PTPN14: variants seen among roughly 807,000 people sequenced by gnomAD.
The protein encoded by PTPN14 is protein tyrosine phosphatase non-receptor type 14.
PTPN14 carries 53 observed loss-of-function variants against 126.8 expected under a neutral mutation model. The ratio of observed to expected loss-of-function variants is 0.42; its 90% CI spans 0.34 to 0.53. The LOEUF (loss-of-function observed/expected upper bound fraction) is 0.53, where lower values mean the gene tolerates loss of function less well. Among genes scored for constraint, PTPN14 ranks in the 20% least tolerant of loss-of-function variants. PTPN14 has a pLI of 0.08. For missense variants in PTPN14, 1,257 were observed against 1,552.9 expected, an observed-to-expected ratio of 0.81 and a Z score of 3.20; for synonymous variants, 630 against 599.3, an observed-to-expected ratio of 1.05 and a Z score of -0.75.
chr1:214,463,222 G>C (rs555217507), intron 2 of PTPN14, among the ~76,000 whole-genome samples: 43 of 152,298 alleles, frequency 2.8e-4, no homozygotes, highest in Admixed American at 4.6e-4. Flanking sequence ...TAAGAACTTA[G>C]ACAAGTCTCT....
chr1:214,471,034 A>C (rs1660746279), intron 1 of PTPN14, among the ~76,000 whole-genome samples: 1 of 147,704 alleles, frequency 6.8e-6, no homozygotes, highest in African/African-American at 2.5e-5. Context: ...TCAAAAAAAA[A>C]AAAAACAAAA....
intron 2 of PTPN14, among the ~76,000 whole-genome samples, chr1:214,452,561 A>G (rs1221157838): frequency 6.6e-6 from 1 of 152,138 alleles, no homozygotes; most frequent in Non-Finnish European, 1.5e-5. Context: ...CTCTCCCCAT[A>G]TCAAGCTTTG....
intron 1 of PTPN14, among the ~76,000 whole-genome samples, chr1:214,490,434 C>T (rs1661203293): frequency 6.6e-6 from 1 of 152,140 alleles, no homozygotes; most frequent in Admixed American, 6.5e-5. Flanking sequence ...TGTTTCATGT[C>T]ATATTCAACA....
chr1:214,364,534 A>G lies in PTPN14; in HGVS notation c.3413T>C (p.Ile1138Thr). Residue 1138 changes from isoleucine to threonine, a missense_variant, in exon 18 of 19, where the codon ATC (isoleucine) becomes ACC (threonine). This residue lies in a region of PTPN14 where 171 missense variants were observed against 229.8 expected (regional missense o/e 0.74). Transcript: ENST00000366956. This position sits in a 1 kb window ranked among gnomAD's most constrained non-coding sequence, Gnocchi z 4.1. ...CACTTCGTTATGTTCCAAGCAGTAG[A>G]TCATCAGCTCAGAAAGAATGAGCAC... ...TGVLILSELMIYCLEHNEKVE... is the reference protein window; with the variant it reads ...TGVLILSELMTYCLEHNEKVE... 1 of 1,614,032 alleles carries G rather than the reference A, an allele frequency of 6.2e-7. No homozygotes were observed. The highest frequency in any genetic ancestry group is 8.5e-7 in the Non-Finnish European group (1 of 1,180,014).
chr1:214,390,655 G>A (rs1235478111), intron 11 of PTPN14, among the ~76,000 whole-genome samples: 1 of 152,178 alleles, frequency 6.6e-6, no homozygotes, highest in East Asian at 1.9e-4. Flanking sequence ...CGTAACTGAA[G>A]ATGTATCTTC....
At chr1:214,390,266 CA>C in intron 11 of PTPN14, among the ~76,000 whole-genome samples, 1 of 152,328 alleles carries the variant, frequency 6.6e-6, no homozygotes, top group Non-Finnish European at 1.5e-5. Flanking sequence ...CAATTCTTAA[CA>C]TCTGTTATCC....
chr1:214,355,683 C>G lies in PTPN14; in HGVS notation c.*2239G>C, dbSNP rs537513124. ...AGATATTCCGAGTCTAACTAGAGTA[C>G]AGCCACCACAACACCTGGCCAGGTT... On this transcript the variant is annotated 3_prime_UTR_variant, in exon 19 of 19. Coordinates refer to ENST00000366956, the MANE Select transcript of PTPN14 (RefSeq NM_005401.5). 1 of 152,286 alleles carries G rather than the reference C, an allele frequency of 6.6e-6. No individual in the cohort carries two copies. The highest frequency in any genetic ancestry group is 2.1e-4 in the South Asian group (1 of 4,822). 9.4% of individuals were successfully genotyped at this position (152,286 alleles called of 1,614,324 possible). A position where few individuals can be genotyped will look rare whatever the true frequency, so the allele number is the denominator to read the frequency against.
At chr1:214,374,482 C>A (rs986950631) in intron 15 of PTPN14, among the ~76,000 whole-genome samples, 1 of 152,144 alleles carries the variant, frequency 6.6e-6, no homozygotes, top group Non-Finnish European at 1.5e-5. Flanking sequence ...TCAGTATATT[C>A]CAAGTATTGA....
intron 2 of PTPN14, among the ~76,000 whole-genome samples, chr1:214,457,992 CATCTAT>C (rs58773276): frequency 0.036 from 5,393 of 150,142 alleles, 143 homozygotes; most frequent in African/African-American, 0.068. Context: ...ATCACAGTTT[CATCTAT>C]ATCTATATCT....
intron 1 of PTPN14, among the ~76,000 whole-genome samples, chr1:214,508,592 C>T (rs1220448535): frequency 1.1e-4 from 16 of 152,122 alleles, no homozygotes; most frequent in Admixed American, 9.2e-4. Flanking sequence ...CAATGTCTTC[C>T]AAACTCCTGT....
At chr1:214,549,039 T>G (rs889900225) in intron 1 of PTPN14, among the ~76,000 whole-genome samples, 6 of 152,182 alleles carry the variant, frequency 3.9e-5, no homozygotes, top group African/African-American at 1.4e-4. Context: ...AAAACTTCTG[T>G]GAAGGGGCTG....
intron 3 of PTPN14, among the ~76,000 whole-genome samples, chr1:214,427,271 C>A (rs1395455176): frequency 1.2e-5 from 1 of 86,160 alleles, no homozygotes; most frequent in Admixed American, 1.5e-4. Flanking sequence ...AGTGAGTCTC[C>A]ATCTCAAAAA....
intron 1 of PTPN14, among the ~76,000 whole-genome samples, chr1:214,469,267 CAT>C (rs1192054264): frequency 6.6e-6 from 1 of 152,174 alleles, no homozygotes; most frequent in African/African-American, 2.4e-5. Context: ...AGCCATTGCA[CAT>C]ATGTTAAAAT....
In PTPN14 at chr1:214,383,903, C is replaced by A. The variant is rs565634580; in HGVS notation, c.1952G>T (p.Arg651Leu). Reference sequence around the variant, plus strand: ...CTTGAGCGTCATGGCCTCCATGCCCCGCACCATGCTGTTCATCACCTCCAG... The same window carrying A: ...CTTGAGCGTCATGGCCTCCATGCCCAGCACCATGCTGTTCATCACCTCCAG... ...HSLEVMNSMV[R>L]GMEAMTLKSL... The change falls in exon 13 of 19, where the codon CGG becomes CTG. Residue 651 changes from arginine to leucine, a missense_variant. By Grantham distance (102) the Arg-to-Leu change is moderately radical. This residue lies in a region of PTPN14 where 1,021 missense variants were observed against 1,183.3 expected (regional missense o/e 0.86). Transcript: ENST00000366956. This position sits in a 1 kb window ranked among gnomAD's most constrained non-coding sequence, Gnocchi z 4.4. 3 of 1,613,298 alleles carry A rather than the reference C, an allele frequency of 1.9e-6. No individual in the cohort carries two copies. The highest frequency in any genetic ancestry group is 2.5e-6 in the Non-Finnish European group (3 of 1,180,024).
At chr1:214,464,321 A>C (rs1019385920) in intron 2 of PTPN14, among the ~76,000 whole-genome samples, 1 of 151,668 alleles carries the variant, frequency 6.6e-6, no homozygotes, top group African/African-American at 2.4e-5. Context: ...CAATTGTTTT[A>C]AAGAGAGAAG....
intron 1 of PTPN14, among the ~76,000 whole-genome samples, chr1:214,514,637 C>T (rs1399509130): frequency 2.0e-5 from 3 of 152,034 alleles, no homozygotes; most frequent in Non-Finnish European, 4.4e-5. Context: ...GGCAGGCGGG[C>T]GGGGCTGACT....
At chr1:214,463,135 C>T (rs982418787) in intron 2 of PTPN14, among the ~76,000 whole-genome samples, 1 of 152,166 alleles carries the variant, frequency 6.6e-6, no homozygotes. Flanking sequence ...CACTGTCCCC[C>T]GATGCATATG....
intron 1 of PTPN14, among the ~76,000 whole-genome samples, chr1:214,548,220 A>T (rs1656020934): frequency 6.6e-6 from 1 of 152,160 alleles, no homozygotes; most frequent in South Asian, 2.1e-4. Context: ...CTAGAATTCC[A>T]ACCTAGCTAT....
chr1:214,397,359 C>T (rs1422573464), intron 8 of PTPN14, among the ~76,000 whole-genome samples: 3 of 152,244 alleles, frequency 2.0e-5, no homozygotes, highest in Middle Eastern at 3.4e-3. Flanking sequence ...AATCTATGGG[C>T]ACCAATACAA....
Sources: allele counts gnomAD v4.1 joint callset (sites outside exome capture counted in the v4.1 genomes callset), GRCh38; gene constraint gnomAD v4.1.1; regional missense constraint gnomAD v4.1.1; non-coding constraint Gnocchi (gnomAD v3.1); transcripts MANE v1.5; gene names NCBI Gene and HGNC (gene_info 2026-07-23, HGNC 2026-07-21).